Variants in DMD observed in about 807,000 individuals in gnomAD.
The protein encoded by DMD is dystrophin, also known as mutant dystrophin.
In DMD, 63 loss-of-function variants were observed where a neutral mutation model predicts 330.1. The observed-to-expected ratio is 0.19, with a 90% CI of 0.16 to 0.24. The LOEUF is 0.24. DMD is among the 10% of genes least tolerant of loss of function. The pLI is 1.00. For synonymous variants in DMD, 1,223 were observed against 959.8 expected (o/e 1.27, Z -5.07); for missense variants, 3,344 against 2,684.1 (o/e 1.25, Z -5.43).
At chrX:32,934,775 C>T (rs1444089483) in intron 2 of DMD, among the ~76,000 whole-genome samples, 1 of 112,252 alleles carries the variant, frequency 8.9e-6, no homozygotes, top group Non-Finnish European at 1.9e-5. Flanking sequence ...TTTTGTACCC[C>T]TCCCTCCATT....
At chrX:31,217,015 C>T (rs1220399664) in intron 64 of DMD, among the ~76,000 whole-genome samples, 1 of 111,955 alleles carries the variant, frequency 8.9e-6, no homozygotes, top group Non-Finnish European at 1.9e-5. Context: ...ACCCACCACA[C>T]ATTATTAATA....
At chrX:32,200,392 T>C (rs896579186) in intron 44 of DMD, among the ~76,000 whole-genome samples, 4 of 111,934 alleles carry the variant, frequency 3.6e-5, no homozygotes, top group Admixed American at 2.8e-4. Flanking sequence ...AATATACACA[T>C]GTAATTTGAA....
At chrX:32,698,426 G>A (rs1015800864) in intron 8 of DMD, among the ~76,000 whole-genome samples, 24 of 111,738 alleles carry the variant, frequency 2.1e-4, no homozygotes, top group African/African-American at 7.5e-4. Context: ...CAAAGTGAGA[G>A]AGTTTGGCCT....
intron 1 of DMD, among the ~76,000 whole-genome samples, chrX:33,124,601 G>C (rs924833246): frequency 4.8e-5 from 5 of 103,778 alleles, no homozygotes; most frequent in African/African-American, 1.8e-4. Flanking sequence ...TTAATTTATT[G>C]AATTCCCATT....
chrX:32,886,890 T>C (rs924087902), intron 2 of DMD, among the ~76,000 whole-genome samples: 1 of 111,763 alleles, frequency 8.9e-6, no homozygotes, highest in African/African-American at 3.3e-5. Context: ...GGGTGAAAAG[T>C]CATAAATATA....
At chrX:31,602,324 T>G (rs1409719289) in intron 55 of DMD, among the ~76,000 whole-genome samples, 1 of 97,148 alleles carries the variant, frequency 1.0e-5, no homozygotes, top group Admixed American at 1.3e-4. Flanking sequence ...TTCTCCAGTT[T>G]TTTTTTTTTT....
At chrX:32,556,643 C>G (rs1342587778) in intron 16 of DMD, among the ~76,000 whole-genome samples, 1 of 111,714 alleles carries the variant, frequency 9.0e-6, no homozygotes, top group East Asian at 2.8e-4. Context: ...ACGAACGAGT[C>G]AAACTTCTTT....
At chrX:32,565,620 G>T in intron 16 of DMD, 82 bp downstream of exon 16, 1 of 993,866 alleles carries the variant, frequency 1.0e-6, no homozygotes, top group South Asian at 2.0e-5. Context: ...TGCTTCTTTT[G>T]TAGGGTTATA....
intron 17 of DMD, 109 bp downstream of exon 17, chrX:32,545,050 G>A: frequency 1.3e-6 from 1 of 750,672 alleles, no homozygotes; most frequent in Non-Finnish European, 2.0e-6. Context: ...GACATTACAG[G>A]TACCCGAGGA....
intron 2 of DMD, among the ~76,000 whole-genome samples, chrX:32,999,319 A>G (rs2093212135): frequency 9.0e-6 from 1 of 111,530 alleles, no homozygotes; most frequent in Admixed American, 9.5e-5. Context: ...TTAGCTCATC[A>G]TCTATCATTA....
At chrX:32,866,942 G>T (rs983616451) in intron 2 of DMD, among the ~76,000 whole-genome samples, 2 of 110,861 alleles carry the variant, frequency 1.8e-5, no homozygotes, top group African/African-American at 6.6e-5. Context: ...CACCACATTG[G>T]CCAGGCCAGT....
chrX:31,878,029 G>A (rs1227253620), intron 47 of DMD, among the ~76,000 whole-genome samples: 2 of 111,438 alleles, frequency 1.8e-5, no homozygotes, highest in African/African-American at 3.3e-5. Flanking sequence ...TCATATATAA[G>A]CACAGAAATC....
intron 53 of DMD, among the ~76,000 whole-genome samples, chrX:31,675,408 G>C (rs764381741): frequency 1.3e-4 from 15 of 112,027 alleles, no homozygotes; most frequent in Admixed American, 2.8e-4. Context: ...TGTCACCCAG[G>C]CTGGAGTGCA....
chrX:32,652,916 T>A (rs991970199), intron 9 of DMD, among the ~76,000 whole-genome samples: 7 of 112,415 alleles, frequency 6.2e-5, no homozygotes, highest in Non-Finnish European at 1.3e-4. Context: ...TGGCCAGTGA[T>A]GATGAGCATT....
At chrX:32,344,056 TAATA>T (rs1228546934) in intron 39 of DMD, among the ~76,000 whole-genome samples, 4 of 112,129 alleles carry the variant, frequency 3.6e-5, no homozygotes, top group Non-Finnish European at 7.5e-5. Context: ...AAGACTAATT[TAATA>T]AATCAACAAT....
At chrX:31,158,603 A>G (rs1256077896) in intron 74 of DMD, among the ~76,000 whole-genome samples, 1 of 112,080 alleles carries the variant, frequency 8.9e-6, no homozygotes, top group Non-Finnish European at 1.9e-5. Flanking sequence ...CTATTAACTA[A>G]TAATCAGTGA....
chrX:32,427,935 A>G (rs1387900124), intron 29 of DMD, among the ~76,000 whole-genome samples: 1 of 111,609 alleles, frequency 9.0e-6, no homozygotes, highest in African/African-American at 3.3e-5. Context: ...TTAAAAATAT[A>G]TTATAACTGT....
At chrX:32,205,666 A>G (rs990533358) in intron 44 of DMD, among the ~76,000 whole-genome samples, 1 of 112,252 alleles carries the variant, frequency 8.9e-6, no homozygotes, top group African/African-American at 3.2e-5. Flanking sequence ...AGCACCTAGC[A>G]TAGAGCCTGA....
chrX:31,646,274 T>C (rs2085451573), intron 54 of DMD, among the ~76,000 whole-genome samples: 1 of 110,523 alleles, frequency 9.0e-6, no homozygotes, highest in Non-Finnish European at 1.9e-5. Context: ...TGTGTGTGTG[T>C]GTGTGTGTAA....
Sources: gnomAD v4.1 joint callset for allele counts (sites outside exome capture counted in the v4.1 genomes callset) on GRCh38, gnomAD v4.1.1 for gene constraint, MANE v1.5 for transcripts, NCBI Gene and HGNC (gene_info 2026-07-23, HGNC 2026-07-21) for gene names.